Variants in TANC2 observed in about 807,000 individuals in gnomAD.
TANC2 encodes protein TANC2.
A neutral mutation model predicts 210.5 loss-of-function variants in TANC2; 26 were observed. The observed-to-expected ratio is 0.12, with a 90% CI of 0.09 to 0.17. The LOEUF (loss-of-function observed/expected upper bound fraction) is 0.17. Among genes scored for constraint, TANC2 ranks in the 10% least tolerant of loss-of-function variants. TANC2 has a pLI of 1.00. For synonymous variants in TANC2, 931 were observed against 967.1 expected (o/e 0.96, Z 0.69); for missense variants, 2,129 against 2,608.9 (o/e 0.82, Z 4.01).
chr17:63,048,521 G>A (rs118161836), intron 2 of TANC2, among the ~76,000 whole-genome samples: 2,968 of 152,098 alleles, frequency 0.02, 52 homozygotes, highest in Non-Finnish European at 0.03. Context: ...TTCTTCATAC[G>A]GCTAGCCAGT....
At chr17:63,151,456 C>T (rs908721765) in intron 5 of TANC2, 76 bp downstream of exon 5, 1 of 627,256 alleles carries the variant, frequency 1.6e-6, no homozygotes, top group African/African-American at 2.0e-5. Context: ...CAGTGTTTTG[C>T]ATGTATACTA....
intron 5 of TANC2, among the ~76,000 whole-genome samples, chr17:63,193,762 A>G (rs2041257089): frequency 6.6e-6 from 1 of 152,164 alleles, no homozygotes; most frequent in South Asian, 2.1e-4. Context: ...CCTCACATTT[A>G]TAATCATTTT....
At chr17:63,382,312 C>A (rs948781528) in intron 15 of TANC2, among the ~76,000 whole-genome samples, 1 of 152,154 alleles carries the variant, frequency 6.6e-6, no homozygotes, top group Non-Finnish European at 1.5e-5. Context: ...TTTCCCATTT[C>A]TTTTTCCTCT....
At chr17:63,082,451 C>T (rs1287177343) in intron 3 of TANC2, among the ~76,000 whole-genome samples, 8 of 152,076 alleles carry the variant, frequency 5.3e-5, no homozygotes. Flanking sequence ...CTAGTTCCCA[C>T]AAGGGGGCAG....
rs113958424 is a variant in TANC2, at chr17:63,159,196, G to A, written c.433+7816G>A. 5.5e-3 allele frequency among the ~76,000 whole-genome samples: 841 copies of A among 152,276 alleles called. 7 individuals carry two copies. The highest frequency in any genetic ancestry group is 0.018 in the African/African-American group (750 of 41,536). ...AACTCACACTCAAGACACTCAAGTGGAGGGAATTACAAAAGGTCATGATTA... is the reference window on the plus strand; with the variant it reads ...AACTCACACTCAAGACACTCAAGTGAAGGGAATTACAAAAGGTCATGATTA... On this transcript the variant is annotated intron_variant, in intron 5 of 27. Coordinates refer to ENST00000689528, the Ensembl canonical transcript of TANC2.
intron 3 of TANC2, among the ~76,000 whole-genome samples, chr17:63,090,476 C>T (rs1323393685): frequency 6.6e-6 from 1 of 151,912 alleles, no homozygotes; most frequent in Non-Finnish European, 1.5e-5. Context: ...GCTGTCCTTG[C>T]AATAGTTTGC....
chr17:63,112,084 TG>T (rs2038072285), intron 4 of TANC2, among the ~76,000 whole-genome samples: 1 of 152,206 alleles, frequency 6.6e-6, no homozygotes. Flanking sequence ...TTATTGACCA[TG>T]GGCTCATAGC....
chr17:63,200,154 G>A (rs1020374343), intron 6 of TANC2, among the ~76,000 whole-genome samples: 12 of 151,710 alleles, frequency 7.9e-5, no homozygotes, highest in East Asian at 1.9e-4. Flanking sequence ...TCAGGAGTTC[G>A]AGACCACCCT....
Position 63,222,720 on chromosome 17 carries a change from AACACACACAC to A in TANC2, c.770-15074_770-15065del, listed in dbSNP as rs58881477. ...AATTATACCTTAATAAAACTGATTA[AACACACACAC>A]ACACACACACACACACACATACACA... is the stretch of plus-strand genomic sequence containing the variant. On this transcript the variant is annotated intron_variant, in intron 7 of 27. Coordinates refer to ENST00000689528, the Ensembl canonical transcript of TANC2. 2.1e-4 allele frequency among the ~76,000 whole-genome samples: 31 copies of A among 148,968 alleles called. No individual in the cohort carries two copies. In the East Asian group the frequency reaches 4.2e-3, roughly 20 times the overall value.
intron 3 of TANC2, among the ~76,000 whole-genome samples, chr17:63,098,073 T>C (rs2037455601): frequency 2.0e-5 from 3 of 152,146 alleles, no homozygotes; most frequent in Admixed American, 2.0e-4. Flanking sequence ...TATTCAGTAT[T>C]CTTATGAGAC....
At position 62,974,700 on chromosome 17, in the gene TANC2, T is replaced by A. The variant is rs145079169; in HGVS notation, c.-24+7951T>A. 8.5e-4 allele frequency among the ~76,000 whole-genome samples: 129 copies of A among 152,312 alleles called. 1 individual carries two copies. The highest frequency in any genetic ancestry group is 4.5e-3 in the Admixed American group (69 of 15,292). On this transcript the variant is annotated intron_variant, in intron 1 of 27. Coordinates refer to ENST00000689528, the Ensembl canonical transcript of TANC2. ...ATTTTTTCTACCCCTGGGAAAAATA[T>A]AGTTCAAAAACATATGTACCATACT...
intron 10 of TANC2, among the ~76,000 whole-genome samples, chr17:63,314,962 G>A (rs1056392283): frequency 4.6e-5 from 7 of 152,118 alleles, no homozygotes; most frequent in Non-Finnish European, 7.4e-5. Flanking sequence ...CGCAGCAATT[G>A]CCCGTAGAGC....
intron 25 of TANC2, 114 bp from the exon 26 acceptor site, chr17:63,415,414 T>C (rs1230370347): frequency 5.8e-6 from 8 of 1,374,214 alleles, no homozygotes; most frequent in Non-Finnish European, 7.9e-6. Flanking sequence ...GGCTGGCGTT[T>C]GGGAGGGTTA....
intron 3 of TANC2, among the ~76,000 whole-genome samples, chr17:63,092,741 C>T (rs760709931): frequency 2.4e-4 from 36 of 152,072 alleles, no homozygotes; most frequent in Non-Finnish European, 4.4e-4. Flanking sequence ...CTCACTATCA[C>T]GAAGACAGCA....
At chr17:63,212,301 A>G (rs778217913) in intron 7 of TANC2, among the ~76,000 whole-genome samples, 3 of 152,184 alleles carry the variant, frequency 2.0e-5, no homozygotes, top group Non-Finnish European at 4.4e-5. Context: ...TCTATGATTA[A>G]TTTTGGTAAA....
At chr17:63,287,558 A>G (rs2044262276) in intron 9 of TANC2, among the ~76,000 whole-genome samples, 1 of 152,178 alleles carries the variant, frequency 6.6e-6, no homozygotes, top group Admixed American at 6.5e-5. Flanking sequence ...TGCAGACAAT[A>G]TGATCAGTTT....
intron 3 of TANC2, among the ~76,000 whole-genome samples, chr17:63,097,913 TC>T (rs1228557638): frequency 1.3e-5 from 2 of 152,232 alleles, no homozygotes; most frequent in African/African-American, 4.8e-5. Flanking sequence ...TGACGTATCT[TC>T]CAGTTTACTG....
At chr17:62,996,061 A>C (rs1005121264) in intron 1 of TANC2, among the ~76,000 whole-genome samples, 1 of 152,214 alleles carries the variant, frequency 6.6e-6, no homozygotes, top group Non-Finnish European at 1.5e-5. Flanking sequence ...AAAACATGCA[A>C]TTTCCAGATG....
intron 4 of TANC2, among the ~76,000 whole-genome samples, chr17:63,116,276 A>G (rs1467323567): frequency 3.3e-5 from 5 of 152,256 alleles, no homozygotes; most frequent in Non-Finnish European, 7.3e-5. Context: ...CAGTCATCTC[A>G]GAGCAACATC....
Sources: allele counts gnomAD v4.1 joint callset (sites outside exome capture counted in the v4.1 genomes callset), GRCh38; gene constraint gnomAD v4.1.1; transcripts MANE v1.5; gene names NCBI Gene and HGNC (gene_info 2026-07-23, HGNC 2026-07-21).